COL23A1: variants seen among roughly 807,000 people sequenced by gnomAD.
COL23A1 encodes collagen type XXIII alpha 1 chain.
A neutral mutation model predicts 99.3 loss-of-function variants in COL23A1; 97 were observed. The observed-to-expected ratio is 0.98, with a 90% CI of 0.83 to 1.16. The LOEUF is 1.16. Among genes scored for constraint, COL23A1 ranks in the 50% most tolerant of loss-of-function variants. The probability of loss-of-function intolerance (pLI) is 0.00; values close to 1 mark genes in which losing one functional copy is unlikely to be tolerated. For synonymous variants in COL23A1, 320 were observed against 308.2 expected (o/e 1.04, Z -0.40); for missense variants, 762 against 757.4 (o/e 1.01, Z -0.07).
chr5:178,347,132 C>A (rs1362242331), intron 2 of COL23A1, among the ~76,000 whole-genome samples: 1 of 152,186 alleles, frequency 6.6e-6, no homozygotes, highest in Non-Finnish European at 1.5e-5. Flanking sequence ...GCACTGGGAG[C>A]CGCACTGGCC....
intron 2 of COL23A1, among the ~76,000 whole-genome samples, chr5:178,449,294 C>T (rs1204765961): frequency 6.6e-6 from 1 of 151,814 alleles, no homozygotes; most frequent in Non-Finnish European, 1.5e-5. Flanking sequence ...CCCTGTCTTC[C>T]CCCACGTCTG....
At chr5:178,561,422 G>T (rs1349402932) in intron 1 of COL23A1, among the ~76,000 whole-genome samples, 9 of 152,182 alleles carry the variant, frequency 5.9e-5, no homozygotes, top group African/African-American at 1.7e-4. Context: ...ACCACAGAAC[G>T]AGGGTCAAAA....
chr5:178,314,227 G>A (rs1264584595), intron 2 of COL23A1, among the ~76,000 whole-genome samples: 3 of 91,630 alleles, frequency 3.3e-5, no homozygotes, highest in African/African-American at 1.0e-4. Flanking sequence ...AGCTGCTTAC[G>A]TCCCCCCCAG....
chr5:178,527,787 A>T (rs1368872248), intron 2 of COL23A1, among the ~76,000 whole-genome samples: 4 of 152,214 alleles, frequency 2.6e-5, no homozygotes, highest in African/African-American at 9.7e-5. Context: ...CAGCCTGGAT[A>T]CTGGAAACCT....
chr5:178,385,331 G>T (rs1763614343), intron 2 of COL23A1, among the ~76,000 whole-genome samples: 1 of 152,174 alleles, frequency 6.6e-6, no homozygotes. Context: ...TTCACAGAGG[G>T]AAACACCCCT....
intron 2 of COL23A1, among the ~76,000 whole-genome samples, chr5:178,356,973 C>T (rs1412744809): frequency 1.3e-5 from 2 of 152,236 alleles, no homozygotes; most frequent in African/African-American, 4.8e-5. Flanking sequence ...AAGCCTGACG[C>T]TCGTGGATGC....
chr5:178,409,388 T>C (rs1396797925), intron 2 of COL23A1, among the ~76,000 whole-genome samples: 1 of 152,226 alleles, frequency 6.6e-6, no homozygotes, highest in Non-Finnish European at 1.5e-5. Context: ...AAATGACAGA[T>C]TGGTGATTGC....
At chr5:178,416,826 A>C (rs1765337984) in intron 2 of COL23A1, among the ~76,000 whole-genome samples, 1 of 151,800 alleles carries the variant, frequency 6.6e-6, no homozygotes, top group Non-Finnish European at 1.5e-5. Flanking sequence ...CAGGGGCTGC[A>C]TTCTCAGATG....
intron 2 of COL23A1, among the ~76,000 whole-genome samples, chr5:178,370,008 C>T (rs1762714877): frequency 6.6e-6 from 1 of 152,184 alleles, no homozygotes; most frequent in African/African-American, 2.4e-5. Flanking sequence ...GCTGGAGGAA[C>T]CACTGAGGGC....
intron 1 of COL23A1, among the ~76,000 whole-genome samples, chr5:178,569,246 G>A (rs1414771916): frequency 6.6e-6 from 1 of 152,206 alleles, no homozygotes; most frequent in African/African-American, 2.4e-5. Flanking sequence ...ATTGGGTTGT[G>A]TGTAGTTTTG....
In COL23A1 at chr5:178,308,424, T is replaced by C. The variant is rs1251395369; in HGVS notation, c.362-1505A>G. ...AGGGCAAAAGTGCATGCCAGGGACG[T>C]AGCCCTTGGTTTTCTCCCATCCTGG... On this transcript the variant is annotated intron_variant, in intron 2 of 28. Transcript: ENST00000390654. This position sits in a 1 kb window ranked among gnomAD's most constrained non-coding sequence, Gnocchi z 5.1. Among the ~76,000 whole-genome samples the C allele has an allele frequency of 6.6e-6, 1 of 152,130 alleles. No individual in the cohort carries two copies. Among genetic ancestry groups the C allele is most frequent in the Non-Finnish European group, 1.5e-5 (1 of 67,990 alleles).
chr5:178,258,236 AATATATATATATAT>A (rs70994992), intron 12 of COL23A1, among the ~76,000 whole-genome samples: 7 of 71,960 alleles, frequency 9.7e-5, no homozygotes, highest in African/African-American at 3.0e-4. Context: ...CCTGTCTTAA[AATATATATATATAT>A]ATATATATAT....
At chr5:178,358,705 GTGTGTA>G (rs1762001458) in intron 2 of COL23A1, among the ~76,000 whole-genome samples, 1 of 148,078 alleles carries the variant, frequency 6.8e-6, no homozygotes, top group East Asian at 2.0e-4. Context: ...GTATGTGTAT[GTGTGTA>G]TGTGTGTATG....
At chr5:178,421,936 G>GA (rs1022994808) in intron 2 of COL23A1, among the ~76,000 whole-genome samples, 2 of 152,010 alleles carry the variant, frequency 1.3e-5, no homozygotes, top group African/African-American at 4.8e-5. Context: ...AAGAACGCCG[G>GA]GGGGTGGAGT....
chr5:178,505,188 C>T (rs1317974447), intron 2 of COL23A1, among the ~76,000 whole-genome samples: 5 of 152,042 alleles, frequency 3.3e-5, no homozygotes, highest in Admixed American at 6.6e-5. Flanking sequence ...AAGTGGCTTA[C>T]CCCATCTCCA....
chr5:178,409,101 A>C (rs181951981), intron 2 of COL23A1, among the ~76,000 whole-genome samples: 1 of 152,156 alleles, frequency 6.6e-6, no homozygotes, highest in Non-Finnish European at 1.5e-5. Flanking sequence ...AAACCTGTAC[A>C]TGGATGCTCA....
intron 2 of COL23A1, among the ~76,000 whole-genome samples, chr5:178,385,121 A>AC (rs1763601995): frequency 6.6e-6 from 1 of 152,270 alleles, no homozygotes; most frequent in South Asian, 2.1e-4. Context: ...GTTATCACCC[A>AC]CAGCTATAGG....
chr5:178,572,749 C>T (rs1763170739), intron 1 of COL23A1, among the ~76,000 whole-genome samples: 1 of 152,116 alleles, frequency 6.6e-6, no homozygotes, highest in Admixed American at 6.6e-5. Context: ...GCTTTATTTA[C>T]AATAGACAAA....
Position 178,309,442 on chromosome 5 carries a change from C to T in COL23A1, c.362-2523G>A, listed in dbSNP as rs78789842. Among the ~76,000 whole-genome samples, 27 of 152,200 alleles carry T rather than the reference C, an allele frequency of 1.8e-4. No individual in the cohort carries two copies. Among genetic ancestry groups the T allele is most frequent in the Middle Eastern group, 3.4e-3 (1 of 294 alleles). ...TGTGACCCCGACTGAATAGGGCCCT[C>T]GTGGAGGGAGAGAATGAAGCTGGTC... On this transcript the variant is annotated intron_variant, in intron 2 of 28. Transcript: ENST00000390654. The surrounding 1 kb of genome is among the most constrained non-coding windows in gnomAD (Gnocchi z 4.7).
Sources: allele counts gnomAD v4.1 joint callset (sites outside exome capture counted in the v4.1 genomes callset), GRCh38; gene constraint gnomAD v4.1.1; non-coding constraint Gnocchi (gnomAD v3.1); transcripts MANE v1.5; gene names NCBI Gene and HGNC (gene_info 2026-07-23, HGNC 2026-07-21).